BEND5: variants seen among roughly 807,000 people sequenced by gnomAD.
BEND5 encodes BEN domain containing 5, also known as BEN domain-containing protein 5.
A neutral mutation model predicts 43.9 loss-of-function variants in BEND5; 22 were observed. The observed-to-expected ratio is 0.50, with a 90% CI of 0.36 to 0.72. BEND5 has a LOEUF of 0.72. Ranked by LOEUF, BEND5 falls within the 30% of genes least tolerant of loss-of-function variation. The pLI is 0.00. For synonymous variants in BEND5, 228 were observed against 225.9 expected (o/e 1.01, Z -0.08); for missense variants, 428 against 550.6 (o/e 0.78, Z 2.23).
At chr1:48,772,249 G>T (rs1201112741) in intron 1 of BEND5, among the ~76,000 whole-genome samples, 1 of 152,244 alleles carries the variant, frequency 6.6e-6, no homozygotes, top group Admixed American at 6.5e-5. Flanking sequence ...AAAGTGAAAA[G>T]AGAGTTCTGA....
chr1:48,764,660 C>A (rs1183482529), intron 1 of BEND5, among the ~76,000 whole-genome samples: 2 of 152,338 alleles, frequency 1.3e-5, no homozygotes, highest in East Asian at 3.9e-4. Flanking sequence ...AGGCGTCAGA[C>A]AACCTGGATT....
intron 5 of BEND5, among the ~76,000 whole-genome samples, chr1:48,730,675 A>G (rs1054179701): frequency 2.0e-5 from 3 of 152,194 alleles, no homozygotes; most frequent in Admixed American, 2.0e-4. Flanking sequence ...AAAGCTTCTC[A>G]GGTTGATTAA....
At chr1:48,731,204 A>G (rs1324429447) in intron 5 of BEND5, among the ~76,000 whole-genome samples, 2 of 152,180 alleles carry the variant, frequency 1.3e-5, no homozygotes, top group African/African-American at 4.8e-5. Flanking sequence ...AACAGCTCAA[A>G]TAATTAGGCT....
intron 2 of BEND5, 198 bp from the exon 3 acceptor site, chr1:48,759,482 C>T (rs1043842770): frequency 1.6e-5 from 18 of 1,114,844 alleles, no homozygotes; most frequent in East Asian, 5.6e-5. Context: ...AATGGGGTTC[C>T]GAGTGGGGAA....
At chr1:48,742,811 G>T (rs374030375) in intron 3 of BEND5, 40 bp from the exon 4 acceptor site, 8 of 1,453,160 alleles carry the variant, frequency 5.5e-6, no homozygotes, top group Non-Finnish European at 5.5e-6. Flanking sequence ...GAACTCCAAG[G>T]AAAATAAAAG....
chr1:48,748,875 G>A (rs1205060786), intron 3 of BEND5, among the ~76,000 whole-genome samples: 1 of 152,122 alleles, frequency 6.6e-6, no homozygotes, highest in Admixed American at 6.5e-5. Flanking sequence ...AGTGAGGGCA[G>A]GAGCAGGCTT....
At chr1:48,769,084 A>T (rs1644675499) in intron 1 of BEND5, among the ~76,000 whole-genome samples, 2 of 152,190 alleles carry the variant, frequency 1.3e-5, no homozygotes, top group Admixed American at 1.3e-4. Context: ...TCTGTAAAAC[A>T]TGAAGACTAC....
chr1:48,728,125 C>A, intron 5 of BEND5, 82 bp from the exon 6 acceptor site: 2 of 1,286,426 alleles, frequency 1.6e-6, no homozygotes, highest in Non-Finnish European at 2.1e-6. Context: ...AGAAAATGTA[C>A]CTCCCAACAT....
At chr1:48,733,211 A>G (rs1033335140) in intron 5 of BEND5, among the ~76,000 whole-genome samples, 1 of 152,140 alleles carries the variant, frequency 6.6e-6, no homozygotes, top group African/African-American at 2.4e-5. Context: ...GAAATGAGTG[A>G]TCAAATATAT....
chr1:48,738,645 A>C (rs895887473), intron 4 of BEND5, among the ~76,000 whole-genome samples: 2 of 152,220 alleles, frequency 1.3e-5, no homozygotes, highest in Non-Finnish European at 2.9e-5. Context: ...TGAATCAGAA[A>C]ATCATAGAGA....
intron 4 of BEND5, among the ~76,000 whole-genome samples, chr1:48,740,941 C>G (rs966802464): frequency 1.3e-5 from 2 of 152,204 alleles, no homozygotes; most frequent in African/African-American, 4.8e-5. Context: ...TAGCAACATG[C>G]TGGCAAAAAC....
intron 1 of BEND5, among the ~76,000 whole-genome samples, chr1:48,775,479 T>A (rs995931418): frequency 6.6e-6 from 1 of 152,090 alleles, no homozygotes; most frequent in African/African-American, 2.4e-5. Context: ...CTTCATTCAG[T>A]CACTAACCCT....
At chr1:48,748,758 A>C (rs750370836) in intron 3 of BEND5, among the ~76,000 whole-genome samples, 2 of 152,070 alleles carry the variant, frequency 1.3e-5, no homozygotes, top group Non-Finnish European at 2.9e-5. Context: ...GGCTTCAGGA[A>C]AGTGGTGATC....
chr1:48,753,343 C>T lies in BEND5; in HGVS notation c.745+5557G>A, dbSNP rs78109781. On this transcript the variant is annotated intron_variant, in intron 3 of 5. Coordinates refer to ENST00000371833, the MANE Select transcript of BEND5 (RefSeq NM_024603.4). ...AAGTTACACAGGTAATAAATTAAGA[C>T]AGCTGAGATTCAAACCCAAGTAGTA... 2.6e-3 allele frequency among the ~76,000 whole-genome samples: 400 copies of T among 152,316 alleles called. 2 individuals are homozygous for T. Among genetic ancestry groups the T allele is most frequent in the East Asian group, 0.012 (64 of 5,180 alleles).
intron 3 of BEND5, among the ~76,000 whole-genome samples, chr1:48,747,114 T>C (rs1650890123): frequency 2.0e-5 from 3 of 152,224 alleles, no homozygotes; most frequent in Non-Finnish European, 4.4e-5. Context: ...GGCATTGTTC[T>C]CCCTCAAACA....
chr1:48,732,385 T>G (rs914937456), intron 5 of BEND5, among the ~76,000 whole-genome samples: 1 of 152,196 alleles, frequency 6.6e-6, no homozygotes, highest in African/African-American at 2.4e-5. Context: ...AATCAACAAA[T>G]ATTTATTGAG....
intron 3 of BEND5, among the ~76,000 whole-genome samples, chr1:48,755,748 G>A (rs776511767): frequency 6.6e-6 from 1 of 152,092 alleles, no homozygotes; most frequent in Admixed American, 6.5e-5. Flanking sequence ...CCCAGAACTG[G>A]CACTCTGCGT....
intron 3 of BEND5, among the ~76,000 whole-genome samples, chr1:48,754,092 C>T (rs1652152971): frequency 1.3e-5 from 2 of 152,298 alleles, no homozygotes; most frequent in East Asian, 1.9e-4. Flanking sequence ...TTACCCGAGT[C>T]ACACCACAAT....
intron 3 of BEND5, among the ~76,000 whole-genome samples, chr1:48,758,654 C>T (rs1644077340): frequency 6.6e-6 from 1 of 152,202 alleles, no homozygotes; most frequent in Non-Finnish European, 1.5e-5. Flanking sequence ...AATATTTTGT[C>T]AGCTCTTAGT....
Sources: gnomAD v4.1 joint callset for allele counts (sites outside exome capture counted in the v4.1 genomes callset) on GRCh38, gnomAD v4.1.1 for gene constraint, MANE v1.5 for transcripts, NCBI Gene and HGNC (gene_info 2026-07-23, HGNC 2026-07-21) for gene names.